CDH18: variants seen among roughly 807,000 people sequenced by gnomAD.
CDH18 encodes the protein cadherin 18.
CDH18 carries 31 observed loss-of-function variants against 67.9 expected under a neutral mutation model. The observed-to-expected ratio is 0.46, with a 90% CI of 0.34 to 0.62. The LOEUF (loss-of-function observed/expected upper bound fraction) is 0.62, where lower values mean the gene tolerates loss of function less well. Ranked by LOEUF, CDH18 falls within the 20% of genes least tolerant of loss-of-function variation. The pLI, the probability that CDH18 is intolerant of heterozygous loss-of-function variation, is 0.01. For missense variants in CDH18, 890 were observed against 975.5 expected (o/e 0.91, Z 1.17); for synonymous variants, 362 against 347.2 (o/e 1.04, Z -0.48).
chr5:19,971,339 A>G (rs1252809738), intron 2 of CDH18, among the ~76,000 whole-genome samples: 1 of 152,072 alleles, frequency 6.6e-6, no homozygotes, highest in East Asian at 1.9e-4. Context: ...ATGTATAGGG[A>G]TGAATTCACA....
intron 1 of CDH18, among the ~76,000 whole-genome samples, chr5:20,413,585 T>C (rs1190452371): frequency 6.6e-6 from 1 of 152,242 alleles, no homozygotes; most frequent in East Asian, 1.9e-4. Context: ...TTTTTTCATG[T>C]GTCTGTTGGC....
At chr5:20,199,242 G>A (rs1306334568) in intron 2 of CDH18, among the ~76,000 whole-genome samples, 1 of 152,154 alleles carries the variant, frequency 6.6e-6, no homozygotes, top group East Asian at 1.9e-4. Context: ...AAAAGCAGCT[G>A]GGATGGGGGC....
At chr5:19,916,229 T>G (rs1452559125) in intron 2 of CDH18, among the ~76,000 whole-genome samples, 1 of 152,182 alleles carries the variant, frequency 6.6e-6, no homozygotes, top group Non-Finnish European at 1.5e-5. Flanking sequence ...CTGCAAGATC[T>G]GGCCTCTAGT....
rs1410856332 is a variant in CDH18 at position 19,473,734 on chromosome 5, A to C, written c.1883-18T>G. On this transcript the variant is annotated intron_variant, in intron 12 of 12. Transcript: ENST00000382275. ...CACAATTGCTGAGGAAGAATGGAAA[A>C]AGGATGAAGAATTAAGAAAACAGGA... 7.1e-6 allele frequency: 11 copies of C among 1,553,286 alleles called. No homozygotes were observed. Among genetic ancestry groups the C allele is most frequent in the Non-Finnish European group, 9.6e-6 (11 of 1,151,570 alleles).
chr5:19,972,379 CT>C (rs1798112291), intron 2 of CDH18, among the ~76,000 whole-genome samples: 1 of 151,954 alleles, frequency 6.6e-6, no homozygotes, highest in Admixed American at 6.6e-5. Flanking sequence ...ATTCAGAAAG[CT>C]TTTCAATTTT....
At chr5:20,561,771 C>G (rs1365930304) in intron 1 of CDH18, among the ~76,000 whole-genome samples, 2 of 151,742 alleles carry the variant, frequency 1.3e-5, no homozygotes, top group East Asian at 3.9e-4. Context: ...AAATTAAATG[C>G]AATAAAAATG....
chr5:20,114,808 T>C (rs556173255), intron 2 of CDH18, among the ~76,000 whole-genome samples: 3 of 152,136 alleles, frequency 2.0e-5, no homozygotes, highest in African/African-American at 7.2e-5. Flanking sequence ...CCTCTCTCTA[T>C]ATGTGGAGAG....
intron 1 of CDH18, among the ~76,000 whole-genome samples, chr5:20,557,765 G>T (rs887288460): frequency 7.3e-5 from 11 of 151,520 alleles, no homozygotes; most frequent in Non-Finnish European, 1.5e-4. Flanking sequence ...TATTACTAAG[G>T]AATAGAAATT....
chr5:20,027,135 C>T (rs1467036074), intron 2 of CDH18, among the ~76,000 whole-genome samples: 3 of 151,776 alleles, frequency 2.0e-5, no homozygotes, highest in Non-Finnish European at 4.4e-5. Context: ...TACATTTTCA[C>T]GACTGTTTAA....
chr5:19,707,654 T>G (rs754953683), intron 5 of CDH18, among the ~76,000 whole-genome samples: 16 of 152,200 alleles, frequency 1.1e-4, no homozygotes, highest in Non-Finnish European at 2.1e-4. Flanking sequence ...TGGCTGGCAA[T>G]AATGCCTGGA....
chr5:19,483,154 G>A (rs1739753204), intron 12 of CDH18, 147 bp downstream of exon 12: 2 of 654,366 alleles, frequency 3.1e-6, no homozygotes, highest in Admixed American at 3.1e-5. Context: ...TGAGATTAAT[G>A]ACAGTATTGA....
At chr5:19,974,520 C>CAAAAAAAAAAAAAAAAAAA (rs70954626) in intron 2 of CDH18, among the ~76,000 whole-genome samples, 1 of 78,278 alleles carries the variant, frequency 1.3e-5, no homozygotes. Flanking sequence ...TCCTGTCTCC[C>CAAAAAAAAAAAAAAAAAAA]AAAAAAAAAA....
chr5:19,561,520 G>T (rs1739449821), intron 8 of CDH18, among the ~76,000 whole-genome samples: 1 of 152,040 alleles, frequency 6.6e-6, no homozygotes, highest in African/African-American at 2.4e-5. Context: ...AAGGGTGTGA[G>T]GGTGAGGAAT....
At chr5:19,698,114 T>C (rs1306148154) in intron 5 of CDH18, among the ~76,000 whole-genome samples, 1 of 152,346 alleles carries the variant, frequency 6.6e-6, no homozygotes, top group Non-Finnish European at 1.5e-5. Flanking sequence ...TAAATCATTT[T>C]ACAAAGATCT....
At chr5:20,414,432 T>C (rs1445497107) in intron 1 of CDH18, among the ~76,000 whole-genome samples, 2 of 151,990 alleles carry the variant, frequency 1.3e-5, no homozygotes, top group African/African-American at 4.8e-5. Context: ...TACAGGAACA[T>C]AAACAGGGAA....
intron 6 of CDH18, among the ~76,000 whole-genome samples, chr5:19,600,676 TAGAA>T (rs1746984788): frequency 6.6e-6 from 1 of 151,920 alleles, no homozygotes; most frequent in Non-Finnish European, 1.5e-5. Context: ...ATGAAAAAAA[TAGAA>T]AGTACATGGG....
intron 1 of CDH18, among the ~76,000 whole-genome samples, chr5:20,330,293 C>T (rs1739041756): frequency 6.6e-6 from 1 of 152,010 alleles, no homozygotes; most frequent in African/African-American, 2.4e-5. Flanking sequence ...GATGATTGAA[C>T]ACTCTATTTG....
chr5:19,810,318 G>A (rs1282923102), intron 3 of CDH18, among the ~76,000 whole-genome samples: 1 of 151,978 alleles, frequency 6.6e-6, no homozygotes, highest in Non-Finnish European at 1.5e-5. Context: ...GTGACAGAGT[G>A]AGACTCCGTC....
At chr5:19,590,351 CA>C (rs1214026555) in intron 7 of CDH18, among the ~76,000 whole-genome samples, 11 of 152,076 alleles carry the variant, frequency 7.2e-5, no homozygotes, top group African/African-American at 2.6e-4. Context: ...AGAACTTCCC[CA>C]TGGTAGTATT....
Sources: gnomAD v4.1 joint callset for allele counts (sites outside exome capture counted in the v4.1 genomes callset) on GRCh38, gnomAD v4.1.1 for gene constraint, MANE v1.5 for transcripts, NCBI Gene and HGNC (gene_info 2026-07-23, HGNC 2026-07-21) for gene names.